Variants in CTBP2 observed in about 807,000 individuals in gnomAD.
CTBP2 encodes the protein C-terminal-binding protein 2.
Under a neutral mutation model 80.3 loss-of-function variants are expected in CTBP2, and 30 were observed. The observed-to-expected ratio is 0.37, with a 90% CI of 0.28 to 0.51. The LOEUF (loss-of-function observed/expected upper bound fraction) is 0.51, where lower values mean the gene tolerates loss of function less well. Among genes scored for constraint, CTBP2 ranks in the 20% least tolerant of loss-of-function variants. CTBP2 has a pLI of 0.93. For missense variants in CTBP2, 1,212 were observed against 1,375.3 expected (o/e 0.88, Z 1.88); for synonymous variants, 594 against 587.4 (o/e 1.01, Z -0.16).
At chr10:125,161,067 TG>T (rs574348922), upstream of CTBP2, 8,670 of 107,722 alleles carry the variant, frequency 0.08, 385 homozygotes, top group Middle Eastern at 0.1. Context: ...CTCCTGTTTT[TG>T]GGGGGGGGGG....
Position 125,038,887 on chromosome 10 carries a change from A to T in CTBP2, c.58+110T>A. 2.8e-6 allele frequency: 3 copies of T among 1,072,190 alleles called. No homozygotes were observed. The South Asian group carries it at 4.3e-5, about 15-fold the overall frequency. The allele number at this position is 1,072,190 out of a possible 1,614,324, so 66.4% of individuals were successfully genotyped here. On this transcript the variant is annotated intron_variant, in intron 3 of 10. Coordinates refer to the CTBP2 transcript ENST00000337195. ...CAATGGTATGCAGTGTTGGAATCGG[A>T]GGAGGGACTCTGGCTTGGGGAGTGG...
chr10:125,122,710 A>G (rs567976900), intron 1 of CTBP2: 1 of 152,286 alleles, frequency 6.6e-6, no homozygotes, highest in South Asian at 2.1e-4. Flanking sequence ...CAACTGGTAC[A>G]AAAGTCACTC....
chr10:125,117,779 T>C (rs916366212), intron 1 of CTBP2, among the ~76,000 whole-genome samples: 4 of 152,190 alleles, frequency 2.6e-5, no homozygotes, highest in Admixed American at 2.6e-4. Flanking sequence ...GAAACAATTA[T>C]CCTTTATTCA....
In CTBP2 at chr10:125,078,279, C is replaced by CAAA. The variant is rs1214515506; in HGVS notation, c.-102+32708_-102+32710dup. Among the ~76,000 whole-genome samples the CAAA allele has an allele frequency of 4.6e-3, 364 of 79,928 alleles. 2 individuals are homozygous for CAAA. The highest frequency in any genetic ancestry group is 6.7e-3 in the South Asian group (13 of 1,946). 52.4% of individuals were successfully genotyped at this position (79,928 alleles called of 152,430 possible). On this transcript the variant is annotated intron_variant, in intron 2 of 10. Coordinates refer to the CTBP2 transcript ENST00000337195. ...TGGGCGACAGAGCGAGACTCCGTCT[C>CAAA]AAAAAAAAAAAAAAAAAAAAACCTT...
At chr10:125,092,236 C>T (rs1848882357) in intron 2 of CTBP2, among the ~76,000 whole-genome samples, 2 of 130,544 alleles carry the variant, frequency 1.5e-5, no homozygotes, top group East Asian at 2.4e-4. Flanking sequence ...GGCTGGAGTA[C>T]AGTGGCATGA....
rs80192649 is a variant in CTBP2, at chr10:124,991,899, G to T, written c.2777+796C>A. On this transcript the variant is annotated intron_variant, in intron 8 of 8. Transcript: ENST00000309035. ...CCTGGGAAGCCAGCAATAATGGGGG[G>T]GGGGGTGTGGGAGAAAACCGATTCG... Among the ~76,000 whole-genome samples the T allele has an allele frequency of 8.8e-5, 9 of 102,306 alleles. 1 individual carries two copies. Among genetic ancestry groups the T allele is most frequent in the Non-Finnish European group, 1.2e-4 (6 of 49,244 alleles). The allele number at this position is 102,306 out of a possible 152,430, so 67.1% of individuals were successfully genotyped here.
In CTBP2 at chr10:124,998,065, G is replaced by A; in HGVS notation, c.2084C>T (p.Ala695Val). ...CTGAACCCGCGTGCCTTCCCGCAGT[G>A]CCTGGTACAGCCACGTGTTCCTCCG... The change falls in exon 4 of 9, where the codon GCA becomes GTA. Residue 695 changes from alanine (A) to valine (V), a missense_variant. Around this residue, in one of 3 missense-constraint regions of CTBP2, gnomAD observed 335 missense variants for 504.7 expected, o/e 0.66. Transcript: ENST00000309035. 6.2e-7 allele frequency: 1 copy of A among 1,613,156 alleles called. No individual in the cohort carries two copies. The highest frequency in any genetic ancestry group is 1.7e-5 in the Admixed American group (1 of 59,960).
chr10:125,035,462 C>T (rs1302282840), intron 3 of CTBP2, among the ~76,000 whole-genome samples: 1 of 152,344 alleles, frequency 6.6e-6, no homozygotes, highest in Non-Finnish European at 1.5e-5. Flanking sequence ...TTCCACGTCT[C>T]TAACACATTC....
chr10:125,035,794 C>T (rs1450406782), intron 3 of CTBP2, among the ~76,000 whole-genome samples: 1 of 152,222 alleles, frequency 6.6e-6, no homozygotes, highest in African/African-American at 2.4e-5. Context: ...CCAGCTGGTG[C>T]AGTTCACAAT....
chr10:125,149,433 T>C (rs1015860385), intron 1 of CTBP2, among the ~76,000 whole-genome samples: 3 of 152,118 alleles, frequency 2.0e-5, no homozygotes, highest in Non-Finnish European at 4.4e-5. Flanking sequence ...ACTCTATTCA[T>C]ACCCAAGCTG....
chr10:125,039,094 G>A (rs1590249446), exon 3 of CTBP2: 1 of 1,593,210 alleles, frequency 6.3e-7, no homozygotes, highest in Non-Finnish European at 8.6e-7. Flanking sequence ...AAAAGGCAAA[G>A]CAGTCCTCTA....
At chr10:125,083,785 T>C (rs1479255133) in intron 2 of CTBP2, among the ~76,000 whole-genome samples, 1 of 152,114 alleles carries the variant, frequency 6.6e-6, no homozygotes, top group African/African-American at 2.4e-5. Context: ...AAAGTTTTTT[T>C]TGTTTTGTTT....
intron 3 of CTBP2, among the ~76,000 whole-genome samples, chr10:125,036,669 GTGT>G (rs1381455908): frequency 1.0e-3 from 5 of 4,980 alleles, no homozygotes; most frequent in Non-Finnish European, 1.6e-3. Flanking sequence ...GCTAGAGGGG[GTGT>G]GTGTGTGTGT....
intron 1 of CTBP2, among the ~76,000 whole-genome samples, chr10:125,148,541 T>C (rs188229466): frequency 5.3e-5 from 8 of 152,322 alleles, no homozygotes; most frequent in Admixed American, 2.0e-4. Context: ...CCAAGTAACA[T>C]ACGGGATTTG....
At chr10:125,074,620 C>T (rs367788477) in intron 2 of CTBP2, among the ~76,000 whole-genome samples, 4 of 152,360 alleles carry the variant, frequency 2.6e-5, no homozygotes, top group African/African-American at 4.8e-5. Context: ...TGCTGGGTTA[C>T]AGGCATGAGC....
At chr10:124,995,413 T>G (rs1195689257) in intron 4 of CTBP2, among the ~76,000 whole-genome samples, 1 of 152,238 alleles carries the variant, frequency 6.6e-6, no homozygotes, top group Non-Finnish European at 1.5e-5. Context: ...CACCTCCAGC[T>G]TCCCAGAGCA....
intron 1 of CTBP2, among the ~76,000 whole-genome samples, chr10:125,013,949 T>A (rs1049050488): frequency 2.0e-5 from 3 of 152,150 alleles, no homozygotes; most frequent in Non-Finnish European, 4.4e-5. Flanking sequence ...ACTGCAGGAA[T>A]GTGATTGTTC....
At chr10:125,024,336 G>T (rs1047338861) in intron 1 of CTBP2, among the ~76,000 whole-genome samples, 4 of 152,188 alleles carry the variant, frequency 2.6e-5, no homozygotes, top group Non-Finnish European at 4.4e-5. Context: ...TGATTTGCTG[G>T]CTGGCTTCTG....
chr10:125,041,269 T>A (rs181564899), intron 2 of CTBP2, among the ~76,000 whole-genome samples: 112 of 152,250 alleles, frequency 7.4e-4, no homozygotes, highest in Non-Finnish European at 7.4e-5. Context: ...TTTGAAGAGA[T>A]GGGGTTTCAC....
Sources: gnomAD v4.1 joint callset for allele counts (sites outside exome capture counted in the v4.1 genomes callset) on GRCh38, gnomAD v4.1.1 for gene constraint, gnomAD v4.1.1 regional missense constraint, MANE v1.5 for transcripts, NCBI Gene and HGNC (gene_info 2026-07-23, HGNC 2026-07-21) for gene names.